Variants in TJP3 observed in about 807,000 individuals in gnomAD.
TJP3 encodes tight junction protein ZO-3.
A neutral mutation model predicts 104.2 loss-of-function variants in TJP3; 85 were observed. The ratio of observed to expected loss-of-function variants is 0.82; its 90% CI spans 0.68 to 0.98. The LOEUF is 0.98. TJP3 is among the 50% of genes least tolerant of loss of function. The pLI, the probability that TJP3 is intolerant of heterozygous loss-of-function variation, is 0.00. For synonymous variants in TJP3, 550 were observed against 550.6 expected, an observed-to-expected ratio of 1.00 and a Z score of 0.02; for missense variants, 1,367 against 1,322.8, an observed-to-expected ratio of 1.03 and a Z score of -0.52.
At chr19:3,734,547 T>TCAAG in intron 8 of TJP3, 112 bp downstream of exon 8, 6 of 951,914 alleles carry the variant, frequency 6.3e-6, no homozygotes, top group Non-Finnish European at 9.1e-6. Context: ...GACGCAGTCC[T>TCAAG]GTATTTCTAG....
chr19:3,727,280 A>G (rs552316833), intron 1 of TJP3, among the ~76,000 whole-genome samples: 2 of 152,056 alleles, frequency 1.3e-5, no homozygotes, highest in Non-Finnish European at 2.9e-5. Context: ...CAGGAGTTCG[A>G]GACCAGCCTG....
chr19:3,731,669 CAAT>C (rs10539835), intron 5 of TJP3, among the ~76,000 whole-genome samples: 28,004 of 152,000 alleles, frequency 0.18, 2,726 homozygotes, highest in Non-Finnish European at 0.22. Context: ...AAAATTGAAA[CAAT>C]GATGATGTTA....
Position 3,730,749 on chromosome 19 carries a change from A to G in TJP3, c.613+43A>G, listed in dbSNP as rs758146445. ...GTCGGACACGATCAGTACTGGACAC[A>G]GGGCACCGTGGTCGGATGGGCGACG... On this transcript the variant is annotated intron_variant, in intron 5 of 20. Coordinates refer to ENST00000541714, the MANE Select transcript of TJP3 (RefSeq NM_001267560.2). The surrounding 1 kb of genome is among the most constrained non-coding windows in gnomAD (Gnocchi z 7.3). 4.6e-6 allele frequency: 7 copies of G among 1,536,016 alleles called. No homozygotes were observed. Among genetic ancestry groups the G allele is most frequent in the African/African-American group, 4.2e-5 (3 of 71,942 alleles).
In TJP3 at chr19:3,718,893, C is replaced by T. The variant is rs560435118; in HGVS notation, c.-9-9531C>T. 4.5e-4 allele frequency among the ~76,000 whole-genome samples: 68 copies of T among 152,136 alleles called. 1 individual carries two copies. In the South Asian group the frequency reaches 0.012, roughly 26 times the overall value. ...AACAAATACACGGCTATTTAAAGAT[C>T]GCTGGACTGGCCGGGCGTGGTGGCT... On this transcript the variant is annotated intron_variant, in intron 1 of 20. Transcript: ENST00000541714.
At position 3,740,867 on chromosome 19, in the gene TJP3, G is replaced by A. The variant is rs114182763; in HGVS notation, c.1843+104G>A. ...CTAAAAGGCACAGTCTTGGCCCGGC[G>A]TGGTGGCTCACGCCTATAATCCCAA... On this transcript the variant is annotated intron_variant, in intron 14 of 20. Coordinates refer to ENST00000541714, the MANE Select transcript of TJP3 (RefSeq NM_001267560.2). The A allele has an allele frequency of 1.1e-3, 1,281 of 1,166,294 alleles. 8 individuals carry two copies. The African/African-American group carries it at 0.018, about 16-fold the overall frequency. 72.2% of individuals were successfully genotyped at this position (1,166,294 alleles called of 1,614,324 possible).
At chr19:3,744,703 C>T (rs895695058) in intron 15 of TJP3, among the ~76,000 whole-genome samples, 8 of 151,490 alleles carry the variant, frequency 5.3e-5, no homozygotes, top group African/African-American at 1.9e-4. Flanking sequence ...ACTAGGAGGC[C>T]GGGCGCAGTG....
At position 3,748,203 on chromosome 19, in the gene TJP3, G is replaced by A; in HGVS notation, c.2610+122G>A. ...TCAACAAACACGGCTTCCCTGGTCA[G>A]ACTGGTTTCTGGGACTCAGACCTGG... On this transcript the variant is annotated intron_variant, in intron 19 of 20. Coordinates refer to ENST00000541714, the MANE Select transcript of TJP3 (RefSeq NM_001267560.2). The A allele has an allele frequency of 3.0e-6, 4 of 1,315,304 alleles. No individual in the cohort carries two copies. The South Asian group carries it at 6.3e-5, about 21-fold the overall frequency. 81.5% of individuals were successfully genotyped at this position (1,315,304 alleles called of 1,614,324 possible). A position where few individuals can be genotyped will look rare whatever the true frequency, so the allele number is the denominator to read the frequency against.
chr19:3,715,915 A>AT (rs2036472647), intron 1 of TJP3, among the ~76,000 whole-genome samples: 1 of 151,478 alleles, frequency 6.6e-6, no homozygotes, highest in South Asian at 2.1e-4. Flanking sequence ...AGTAGCTGGG[A>AT]TTACAGGCAC....
intron 1 of TJP3, among the ~76,000 whole-genome samples, chr19:3,727,931 G>T (rs542957222): frequency 2.3e-4 from 35 of 151,830 alleles, no homozygotes; most frequent in African/African-American, 8.2e-4. Context: ...AACAGAATGA[G>T]ACTCCGCCTC....
At chr19:3,720,257 G>A (rs1599144898) in intron 1 of TJP3, among the ~76,000 whole-genome samples, 1 of 152,168 alleles carries the variant, frequency 6.6e-6, no homozygotes, top group South Asian at 2.1e-4. Flanking sequence ...TCGGGCCCTT[G>A]GAGACCCTTG....
chr19:3,726,635 A>G lies in TJP3; in HGVS notation c.-9-1789A>G, dbSNP rs966782032. Among the ~76,000 whole-genome samples the G allele has an allele frequency of 2.6e-5, 4 of 151,278 alleles. No homozygotes were observed. The East Asian group carries it at 7.8e-4, about 29-fold the overall frequency. Reference sequence around the variant, plus strand: ...GTGGGAAAGCCCAGGTGGGAGGATCATTTGAGCCCAGGAGTTCAAGAAGAG... The same window carrying G: ...GTGGGAAAGCCCAGGTGGGAGGATCGTTTGAGCCCAGGAGTTCAAGAAGAG... On this transcript the variant is annotated intron_variant, in intron 1 of 20. Coordinates refer to ENST00000541714, the MANE Select transcript of TJP3 (RefSeq NM_001267560.2).
intron 1 of TJP3, among the ~76,000 whole-genome samples, chr19:3,711,348 A>G (rs62130628): frequency 0.056 from 944 of 16,900 alleles, 27 homozygotes; most frequent in Middle Eastern, 0.11. Context: ...ACAGGCGCCC[A>G]CCACCACGCC....
chr19:3,710,960 G>A (rs1313374997), intron 1 of TJP3, among the ~76,000 whole-genome samples: 1 of 152,020 alleles, frequency 6.6e-6, no homozygotes, highest in Non-Finnish European at 1.5e-5. Flanking sequence ...CTGGAGTGCG[G>A]TGGCGCGATC....
At chr19:3,713,143 C>T (rs1298120324) in intron 1 of TJP3, among the ~76,000 whole-genome samples, 1 of 152,094 alleles carries the variant, frequency 6.6e-6, no homozygotes, top group Non-Finnish European at 1.5e-5. Flanking sequence ...TTCAGCCCTC[C>T]AGTGCCTTAG....
At chr19:3,745,958 G>A (rs1478057135) in intron 15 of TJP3, 53 bp from the exon 16 acceptor site, 1 of 1,482,060 alleles carries the variant, frequency 6.7e-7, no homozygotes, top group African/African-American at 1.4e-5. Context: ...GCATGAATTT[G>A]AGGGGACGGG....
rs904976505 is a variant in TJP3, at chr19:3,747,823, C to T, written c.2352C>T (p.Asp784=). Residue 784 remains aspartate (D), a synonymous_variant, in exon 19 of 21, where the codon GAC becomes GAT. Coordinates refer to ENST00000541714, the MANE Select transcript of TJP3 (RefSeq NM_001267560.2). ...ATGGCTCCTTGGAGGACAACCTAGA[C>T]CTCCCTCACCACGGCCTGGCCGACA... is the stretch of plus-strand genomic sequence containing the variant. ...QLDGSLEDNL[D]LPHHGLADSS... 3.1e-6 allele frequency: 5 copies of T among 1,605,792 alleles called. No homozygotes were observed. The highest frequency in any genetic ancestry group is 2.2e-5 in the East Asian group (1 of 44,760).
Position 3,738,956 on chromosome 19 carries a change from G to A in TJP3, c.1453G>A (p.Glu485Lys). ...CTCCTTCTACATCCGCACTCACTTT[G>A]AGCTGGAGCCCAGTCCACCGTCTGG... ...GDSFYIRTHF[E>K]LEPSPPSGLG... The change falls in exon 13 of 21, where the codon GAG (glutamate) becomes AAG (lysine). Residue 485 changes from glutamate to lysine, a missense_variant. Glu to Lys is a moderately conservative substitution (Grantham distance 56). Coordinates refer to ENST00000541714, the MANE Select transcript of TJP3 (RefSeq NM_001267560.2). 2 of 1,613,202 alleles carry A rather than the reference G, an allele frequency of 1.2e-6. No homozygotes were observed. Among genetic ancestry groups the A allele is most frequent in the Non-Finnish European group, 1.7e-6 (2 of 1,179,756 alleles).
At chr19:3,728,277 C>T (rs1985864) in intron 1 of TJP3, 147 bp from the exon 2 acceptor site, 2 of 1,258,616 alleles carry the variant, frequency 1.6e-6, no homozygotes, top group Non-Finnish European at 2.2e-6. Flanking sequence ...ACAAAAAAAC[C>T]TGAGGCCCTG....
intron 1 of TJP3, among the ~76,000 whole-genome samples, chr19:3,724,203 T>C (rs924050113): frequency 6.7e-6 from 1 of 148,666 alleles, no homozygotes; most frequent in African/African-American, 2.4e-5. Flanking sequence ...GGCTGTCTCT[T>C]TTTTTTTTTT....
Sources: allele counts gnomAD v4.1 joint callset (sites outside exome capture counted in the v4.1 genomes callset), GRCh38; gene constraint gnomAD v4.1.1; non-coding constraint Gnocchi (gnomAD v3.1); transcripts MANE v1.5; gene names NCBI Gene and HGNC (gene_info 2026-07-23, HGNC 2026-07-21).